Variants in SLC35D4 observed in about 807,000 individuals in gnomAD.
SLC35D4 encodes solute carrier family 35 member D4, also known as UDP-N-acetylglucosamine transporter SLC35D4.
chr18:23,240,257 G>A, the SLC35D4 span, among the ~76,000 whole-genome samples: 4 of 152,216 alleles, frequency 2.6e-5, no homozygotes, highest in Non-Finnish European at 4.4e-5. Flanking sequence ...GCCCCACCAG[G>A]TTTTGGTAGG....
the SLC35D4 span, among the ~76,000 whole-genome samples, chr18:23,292,806 C>G: frequency 2.6e-5 from 4 of 152,134 alleles, no homozygotes. Context: ...CTGGAGAGTA[C>G]CCAGCACAAT....
At chr18:23,385,400 C>A in the SLC35D4 span, among the ~76,000 whole-genome samples, 1 of 152,314 alleles carries the variant, frequency 6.6e-6, no homozygotes, top group South Asian at 2.1e-4. Flanking sequence ...AAGTGCACCC[C>A]GCCCGGCACA....
At chr18:23,397,102 C>T in the SLC35D4 span, among the ~76,000 whole-genome samples, 26 of 151,818 alleles carry the variant, frequency 1.7e-4, no homozygotes, top group African/African-American at 3.6e-4. Context: ...TGTGGGGCGG[C>T]GGGGGGAGGG....
the SLC35D4 span, among the ~76,000 whole-genome samples, chr18:23,299,775 G>T: frequency 6.6e-6 from 1 of 152,164 alleles, no homozygotes; most frequent in East Asian, 1.9e-4. Context: ...AGGTTGAGGG[G>T]CTTAGAGGAT....
At chr18:23,409,668 C>T in the SLC35D4 span, among the ~76,000 whole-genome samples, 1 of 152,072 alleles carries the variant, frequency 6.6e-6, no homozygotes, top group Non-Finnish European at 1.5e-5. Context: ...TATAGTAAAA[C>T]ACCGTCTCAA....
At chr18:23,334,174 G>A in the SLC35D4 span, among the ~76,000 whole-genome samples, 1 of 152,096 alleles carries the variant, frequency 6.6e-6, no homozygotes, top group South Asian at 2.1e-4. Flanking sequence ...CTATATTCAA[G>A]GCCAACCATA....
chr18:23,420,510 AAC>A, the SLC35D4 span, among the ~76,000 whole-genome samples: 1 of 151,766 alleles, frequency 6.6e-6, no homozygotes, highest in Non-Finnish European at 1.5e-5. Context: ...AGTAGCAGGA[AAC>A]ACAGGCATGC....
At chr18:23,285,004 T>C in the SLC35D4 span, among the ~76,000 whole-genome samples, 2 of 152,230 alleles carry the variant, frequency 1.3e-5, no homozygotes, top group Non-Finnish European at 2.9e-5. Flanking sequence ...AAAATGATAC[T>C]GATACTGTCA....
chr18:23,435,559 GA>G, the SLC35D4 span, among the ~76,000 whole-genome samples: 4 of 152,172 alleles, frequency 2.6e-5, no homozygotes, highest in African/African-American at 9.7e-5. Flanking sequence ...CCCATGAGAA[GA>G]AAACAAATCT....
chr18:23,294,036 A>G, the SLC35D4 span, among the ~76,000 whole-genome samples: 801 of 152,136 alleles, frequency 5.3e-3, 4 homozygotes, highest in South Asian at 0.022. Flanking sequence ...GGTTCAATCA[A>G]TCCTCCCACC....
At chr18:23,256,209 G>A in the SLC35D4 span, among the ~76,000 whole-genome samples, 1 of 152,262 alleles carries the variant, frequency 6.6e-6, no homozygotes, top group Admixed American at 6.5e-5. Context: ...GGCAGAATGT[G>A]CCTGAGCAAA....
At chr18:23,406,921 T>C in the SLC35D4 span, among the ~76,000 whole-genome samples, 170 of 152,310 alleles carry the variant, frequency 1.1e-3, 1 homozygote, top group South Asian at 0.034. Context: ...TCTCCCACCT[T>C]AGGCCTCCTA....
the SLC35D4 span, among the ~76,000 whole-genome samples, chr18:23,408,037 C>G: frequency 6.6e-6 from 1 of 152,138 alleles, no homozygotes; most frequent in Admixed American, 6.6e-5. Flanking sequence ...CCCCACAAAT[C>G]ACCTGCATGG....
the SLC35D4 span, among the ~76,000 whole-genome samples, chr18:23,335,173 G>A: frequency 3.3e-5 from 5 of 152,102 alleles, no homozygotes; most frequent in African/African-American, 7.2e-5. Context: ...GGAGGCATCC[G>A]GGTACCAGGC....
chr18:23,414,730 C>G, the SLC35D4 span, among the ~76,000 whole-genome samples: 1 of 152,014 alleles, frequency 6.6e-6, no homozygotes. Flanking sequence ...GTAGTCCCAG[C>G]TACTTCAGAA....
At chr18:23,312,898 C>G in the SLC35D4 span, among the ~76,000 whole-genome samples, 1 of 151,938 alleles carries the variant, frequency 6.6e-6, no homozygotes, top group Admixed American at 6.6e-5. Flanking sequence ...GAGGCCAAGA[C>G]GGGCGGATCA....
chr18:23,262,576 C>G, the SLC35D4 span, among the ~76,000 whole-genome samples: 1 of 152,218 alleles, frequency 6.6e-6, no homozygotes, highest in Non-Finnish European at 1.5e-5. Flanking sequence ...TTCCTGATGT[C>G]GGGCAGAGCC....
chr18:23,302,429 C>T, the SLC35D4 span, among the ~76,000 whole-genome samples: 4 of 152,146 alleles, frequency 2.6e-5, no homozygotes, highest in Admixed American at 2.0e-4. Flanking sequence ...CGGCATCTAG[C>T]GAGTGGGGTT....
At chr18:23,430,732 C>A in the SLC35D4 span, 4 of 1,470,004 alleles carry the variant, frequency 2.7e-6, no homozygotes, top group Non-Finnish European at 2.8e-6. Flanking sequence ...AACTGACAAA[C>A]CATATAATCA....
Sources: gnomAD v4.1 joint callset for allele counts (sites outside exome capture counted in the v4.1 genomes callset) on GRCh38, gnomAD v4.1.1 for gene constraint, MANE v1.5 for transcripts, NCBI Gene and HGNC (gene_info 2026-07-23, HGNC 2026-07-21) for gene names.